The following CYB5R4 variants were observed in gnomAD, a reference collection of about 807,000 sequenced individuals.
The protein encoded by CYB5R4 is cytochrome b5 reductase 4.
A neutral mutation model predicts 70.2 loss-of-function variants in CYB5R4; 55 were observed. The observed-to-expected ratio is 0.78, with a 90% CI of 0.63 to 0.98. CYB5R4 has a LOEUF of 0.98. Among genes scored for constraint, CYB5R4 ranks in the 50% least tolerant of loss-of-function variants. The pLI is 0.00. For synonymous variants in CYB5R4, 197 were observed against 199.5 expected, an observed-to-expected ratio of 0.99 and a Z score of 0.11; for missense variants, 562 against 612.6, an observed-to-expected ratio of 0.92 and a Z score of 0.87.
rs61763822 is a variant in CYB5R4, at chr6:83,918,890, G to C, written c.507-507G>C. ...CCTCTGTAAATTAGACTATATAGGT[G>C]ATAAGTGCAAAAAGAGTATCAATTT... On this transcript the variant is annotated intron_variant, in intron 6 of 15. Transcript: ENST00000369681. Among the ~76,000 whole-genome samples the C allele has an allele frequency of 9.7e-3, 1,473 of 152,152 alleles. 17 individuals are homozygous for C. The highest frequency in any genetic ancestry group is 0.033 in the African/African-American group (1,357 of 41,542).
At chr6:83,864,440 A>G (rs2099456443) in intron 2 of CYB5R4, 112 bp downstream of exon 2, 2 of 918,918 alleles carry the variant, frequency 2.2e-6, no homozygotes, top group South Asian at 3.7e-5. Flanking sequence ...TAACAAAAAT[A>G]TGCCTTGTGC....
rs923129095 is a variant in CYB5R4 at position 83,859,918 on chromosome 6, CTCT to C, written c.75+67_75+69del. 42 of 1,475,036 alleles carry C rather than the reference CTCT, an allele frequency of 2.8e-5. No individual in the cohort carries two copies. The African/African-American group carries it at 5.6e-4, about 20-fold the overall frequency. The allele number at this position is 1,475,036 out of a possible 1,614,324, so 91.4% of individuals were successfully genotyped here. On this transcript the variant is annotated intron_variant, in intron 1 of 15. Coordinates refer to ENST00000369681, the MANE Select transcript of CYB5R4 (RefSeq NM_016230.4). ...GCGTTTCGAGCTCTGGCAGTGTGTTCTCTTCTTCCGCCCCAACTCCCAGCTCCT... is the reference window on the plus strand; with the variant it reads ...GCGTTTCGAGCTCTGGCAGTGTGTTCTCTTCCGCCCCAACTCCCAGCTCCT...
chr6:83,900,472 G>T (rs1375833007), intron 3 of CYB5R4, among the ~76,000 whole-genome samples: 3 of 152,164 alleles, frequency 2.0e-5, no homozygotes, highest in African/African-American at 4.8e-5. Flanking sequence ...TTCTGTAGCT[G>T]TCTATTAGGT....
chr6:83,882,507 G>A (rs2099459608), intron 2 of CYB5R4, among the ~76,000 whole-genome samples: 1 of 152,044 alleles, frequency 6.6e-6, no homozygotes, highest in Admixed American at 6.6e-5. Context: ...ATCTTTGCAG[G>A]AATATTACAG....
chr6:83,918,709 G>A (rs1004534397), intron 6 of CYB5R4, among the ~76,000 whole-genome samples: 5 of 151,792 alleles, frequency 3.3e-5, no homozygotes, highest in South Asian at 2.1e-4. Context: ...TATATATTTC[G>A]TTAATGACAC....
At chr6:83,918,195 G>A (rs2099465810) in intron 6 of CYB5R4, 130 bp downstream of exon 6, 1 of 563,484 alleles carries the variant, frequency 1.8e-6, no homozygotes, top group Non-Finnish European at 3.2e-6. Flanking sequence ...CACAAGAACT[G>A]TAATGCCTCA....
intron 13 of CYB5R4, 94 bp from the exon 14 acceptor site, chr6:83,940,421 A>G: frequency 1.6e-6 from 2 of 1,259,654 alleles, no homozygotes; most frequent in Non-Finnish European, 2.1e-6. Flanking sequence ...ACTGGGCACT[A>G]AAACATTCAC....
At position 83,940,507 on chromosome 6, in the gene CYB5R4, C is replaced by G; in HGVS notation, c.1260-8C>G. The G allele has an allele frequency of 6.6e-7, 1 of 1,503,980 alleles. No individual in the cohort carries two copies. The highest frequency in any genetic ancestry group is 8.8e-7 in the Non-Finnish European group (1 of 1,134,330). 93.2% of individuals were successfully genotyped at this position (1,503,980 alleles called of 1,614,324 possible). A position where few individuals can be genotyped will look rare whatever the true frequency, so the allele number is the denominator to read the frequency against. The stretch of plus-strand genomic sequence containing the variant: ...TAGTTATTTCTGAGTTTTTTTTTTT[C>G]TCTTAAGGAAAGTGAAGCTGATGTT... On this transcript the variant is annotated splice_polypyrimidine_tract_variant and splice_region_variant and intron_variant, in intron 13 of 15. Coordinates refer to ENST00000369681, the MANE Select transcript of CYB5R4 (RefSeq NM_016230.4).
rs1051356233 is a variant in CYB5R4, at chr6:83,967,258, G to T, written c.*7380G>T. On this transcript the variant is annotated 3_prime_UTR_variant, in exon 16 of 16. Coordinates refer to ENST00000369681, the MANE Select transcript of CYB5R4 (RefSeq NM_016230.4). ...AAGACTAGAAAGTCATCAATAAAAGGATTGGAGAACATTAAACTTGTAGAA... is the reference window on the plus strand; with the variant it reads ...AAGACTAGAAAGTCATCAATAAAAGTATTGGAGAACATTAAACTTGTAGAA... 1.3e-5 allele frequency: 2 copies of T among 152,154 alleles called. No individual in the cohort carries two copies. Among genetic ancestry groups the T allele is most frequent in the Non-Finnish European group, 2.9e-5 (2 of 68,032 alleles). The allele number at this position is 152,154 out of a possible 1,614,324, so 9.4% of individuals were successfully genotyped here.
intron 6 of CYB5R4, among the ~76,000 whole-genome samples, chr6:83,919,069 T>G (rs1186012803): frequency 6.6e-6 from 1 of 152,142 alleles, no homozygotes; most frequent in Non-Finnish European, 1.5e-5. Context: ...TTCATGCTCT[T>G]TAACAAAATA....
intron 10 of CYB5R4, 147 bp downstream of exon 10, chr6:83,924,739 G>A: frequency 1.3e-6 from 1 of 779,928 alleles, no homozygotes; most frequent in South Asian, 2.0e-5. Flanking sequence ...GACAATGTGT[G>A]TTGTCCTGCT....
rs2129147155 is a variant in CYB5R4, at chr6:83,962,060, G to C, written c.*2182G>C. 6.6e-6 allele frequency: 1 copy of C among 152,182 alleles called. No homozygotes were observed. Among genetic ancestry groups the C allele is most frequent in the South Asian group, 2.1e-4 (1 of 4,816 alleles). 9.4% of individuals were successfully genotyped at this position (152,182 alleles called of 1,614,324 possible). A position where few individuals can be genotyped will look rare whatever the true frequency, so the allele number is the denominator to read the frequency against. On this transcript the variant is annotated 3_prime_UTR_variant, in exon 16 of 16. Coordinates refer to ENST00000369681, the MANE Select transcript of CYB5R4 (RefSeq NM_016230.4). ...GGAGTGACTAATTTGAGAATCAGCT[G>C]AGCTTCAGTTTTCAATATCCATTTA...
At chr6:83,864,457 A>C (rs935123932) in intron 2 of CYB5R4, 129 bp downstream of exon 2, 10 of 711,286 alleles carry the variant, frequency 1.4e-5, no homozygotes, top group Non-Finnish European at 2.2e-5. Flanking sequence ...GTGCTTGACA[A>C]TAACTTATAT....
intron 2 of CYB5R4, among the ~76,000 whole-genome samples, chr6:83,879,828 C>T (rs1196373319): frequency 6.6e-6 from 1 of 152,138 alleles, no homozygotes; most frequent in Non-Finnish European, 1.5e-5. Context: ...CAAATTGGCT[C>T]TAGTGCGCAC....
At chr6:83,937,864 T>G (rs2099469166) in intron 12 of CYB5R4, among the ~76,000 whole-genome samples, 1 of 152,220 alleles carries the variant, frequency 6.6e-6, no homozygotes, top group South Asian at 2.1e-4. Context: ...TAATGAGATC[T>G]ATTAAGATTT....
intron 2 of CYB5R4, among the ~76,000 whole-genome samples, chr6:83,883,453 A>G (rs1215469053): frequency 6.6e-6 from 1 of 152,210 alleles, no homozygotes; most frequent in Admixed American, 6.5e-5. Flanking sequence ...GCTAACAAGG[A>G]GAAAATCTGG....
At chr6:83,923,218 A>C (rs2099466700) in intron 9 of CYB5R4, among the ~76,000 whole-genome samples, 1 of 152,174 alleles carries the variant, frequency 6.6e-6, no homozygotes, top group African/African-American at 2.4e-5. Context: ...GCATATAAAC[A>C]TGCAGCGTAG....
chr6:83,894,706 A>G (rs372949856), intron 3 of CYB5R4, among the ~76,000 whole-genome samples: 68 of 152,334 alleles, frequency 4.5e-4, no homozygotes, highest in African/African-American at 1.6e-3. Context: ...TATGCATTAT[A>G]TACTATATTC....
rs757024597 is a variant in CYB5R4 at position 83,935,509 on chromosome 6, G to A, written c.956-715G>A. ...GGTATCTTCTCCAGTTATTGCCAAT[G>A]CATTTTAATTTATATATGTATTTTG... On this transcript the variant is annotated intron_variant, in intron 11 of 15. Coordinates refer to ENST00000369681, the MANE Select transcript of CYB5R4 (RefSeq NM_016230.4). Among the ~76,000 whole-genome samples, 2 of 152,200 alleles carry A rather than the reference G, an allele frequency of 1.3e-5. 1 individual carries two copies. The highest frequency in any genetic ancestry group is 1.3e-4 in the Admixed American group (2 of 15,294).
Sources: allele counts gnomAD v4.1 joint callset (sites outside exome capture counted in the v4.1 genomes callset), GRCh38; gene constraint gnomAD v4.1.1; transcripts MANE v1.5; gene names NCBI Gene and HGNC (gene_info 2026-07-23, HGNC 2026-07-21).